Variants in KIAA1958 observed in about 807,000 individuals in gnomAD.
KIAA1958 encodes uncharacterized protein KIAA1958.
A neutral mutation model predicts 47.2 loss-of-function variants in KIAA1958; 14 were observed. That is an observed-to-expected ratio of 0.30 (90% CI 0.20 to 0.46). The LOEUF (loss-of-function observed/expected upper bound fraction) is 0.46, where lower values mean the gene tolerates loss of function less well. Among genes scored for constraint, KIAA1958 ranks in the 20% least tolerant of loss-of-function variants. The pLI, the probability that KIAA1958 is intolerant of heterozygous loss-of-function variation, is 1.00. For missense variants in KIAA1958, 803 were observed against 909.2 expected (o/e 0.88, Z 1.50); for synonymous variants, 354 against 353.3 (o/e 1.00, Z -0.02).
At chr9:112,597,198 G>A (rs769706839) in intron 2 of KIAA1958, among the ~76,000 whole-genome samples, 9 of 152,152 alleles carry the variant, frequency 5.9e-5, no homozygotes, top group Admixed American at 5.9e-4. Context: ...TCTTCAGTCT[G>A]CAGAGTCATA....
intron 1 of KIAA1958, among the ~76,000 whole-genome samples, chr9:112,513,686 C>T (rs1484784958): frequency 1.4e-5 from 1 of 70,006 alleles, no homozygotes; most frequent in Non-Finnish European, 2.8e-5. Flanking sequence ...GCCGCCGCGC[C>T]GGCGAGCGCC....
At chr9:112,534,464 T>C in intron 1 of KIAA1958, among the ~76,000 whole-genome samples, 1 of 152,168 alleles carries the variant, frequency 6.6e-6, no homozygotes, top group East Asian at 1.9e-4. Flanking sequence ...TTTGTGAGCA[T>C]TCGTTGATGT....
intron 1 of KIAA1958, among the ~76,000 whole-genome samples, chr9:112,507,023 G>C (rs1239878081): frequency 5.9e-5 from 9 of 152,174 alleles, no homozygotes; most frequent in Admixed American, 5.9e-4. Flanking sequence ...AGACCTCTGA[G>C]AAAAATTTTT....
intron 2 of KIAA1958, among the ~76,000 whole-genome samples, 192 bp from the exon 3 acceptor site, chr9:112,645,458 C>T (rs978644284): frequency 1.3e-5 from 2 of 152,098 alleles, no homozygotes; most frequent in Admixed American, 1.3e-4. Flanking sequence ...GCATTGATTC[C>T]ATGCTATAAG....
intron 2 of KIAA1958, among the ~76,000 whole-genome samples, chr9:112,628,480 A>G (rs1836656734): frequency 6.6e-6 from 1 of 152,232 alleles, no homozygotes; most frequent in Non-Finnish European, 1.5e-5. Context: ...AAATTTAATT[A>G]TGTGTGGTCT....
At chr9:112,501,839 CAAAA>C (rs1351411807) in intron 1 of KIAA1958, among the ~76,000 whole-genome samples, 8 of 152,018 alleles carry the variant, frequency 5.3e-5, no homozygotes, top group Non-Finnish European at 7.4e-5. Context: ...CTTGAAAAAA[CAAAA>C]AGAAAATACT....
At chr9:112,537,589 G>T (rs1393689283) in intron 1 of KIAA1958, among the ~76,000 whole-genome samples, 2 of 152,186 alleles carry the variant, frequency 1.3e-5, no homozygotes, top group Non-Finnish European at 2.9e-5. Context: ...ACCTCAGTAG[G>T]ATACTATTAC....
chr9:112,629,959 CA>C (rs1836680469), intron 2 of KIAA1958, among the ~76,000 whole-genome samples: 1 of 152,114 alleles, frequency 6.6e-6, no homozygotes, highest in Non-Finnish European at 1.5e-5. Context: ...TTTGTAGCTA[CA>C]ACAAACAAGT....
intron 1 of KIAA1958, among the ~76,000 whole-genome samples, chr9:112,571,774 C>T (rs1835538700): frequency 6.8e-6 from 1 of 146,646 alleles, no homozygotes; most frequent in East Asian, 2.0e-4. Context: ...CTAGGGACAC[C>T]CCTAGGTTAA....
intron 3 of KIAA1958, among the ~76,000 whole-genome samples, chr9:112,647,937 G>A (rs192166790): frequency 2.4e-4 from 36 of 152,270 alleles, no homozygotes; most frequent in Admixed American, 1.5e-3. Flanking sequence ...AAATTTCATC[G>A]TTTATTGAGA....
chr9:112,491,582 A>G (rs1222075056), intron 1 of KIAA1958, among the ~76,000 whole-genome samples: 1 of 145,070 alleles, frequency 6.9e-6, no homozygotes, highest in African/African-American at 2.5e-5. Flanking sequence ...TTTTTTCCTT[A>G]AGAAACCTGC....
intron 1 of KIAA1958, among the ~76,000 whole-genome samples, chr9:112,560,026 T>C (rs1032906846): frequency 6.6e-6 from 1 of 152,026 alleles, no homozygotes; most frequent in African/African-American, 2.4e-5. Flanking sequence ...GGAAAGTTCT[T>C]AAGAATTTTG....
chr9:112,605,669 C>T (rs879001918), intron 2 of KIAA1958, among the ~76,000 whole-genome samples: 3 of 152,144 alleles, frequency 2.0e-5, no homozygotes, highest in African/African-American at 7.2e-5. Context: ...GTCCTCATAC[C>T]ATTCTTGCTC....
chr9:112,610,322 G>T (rs1003073817), intron 2 of KIAA1958, among the ~76,000 whole-genome samples: 5 of 151,802 alleles, frequency 3.3e-5, no homozygotes, highest in Non-Finnish European at 7.4e-5. Flanking sequence ...TAGAAAAAAA[G>T]ATTTAAAGCA....
rs1177422276 is a variant in KIAA1958 at position 112,662,470 on chromosome 9, A to G, written c.*2401A>G. 1 of 152,322 alleles carries G rather than the reference A, an allele frequency of 6.6e-6. No homozygotes were observed. Among genetic ancestry groups the G allele is most frequent in the Non-Finnish European group, 1.5e-5 (1 of 68,084 alleles). 9.4% of individuals were successfully genotyped at this position (152,322 alleles called of 1,614,324 possible). A position where few individuals can be genotyped will look rare whatever the true frequency, so the allele number is the denominator to read the frequency against. On this transcript the variant is annotated 3_prime_UTR_variant, in exon 4 of 4. Transcript: ENST00000337530. Reference sequence around the variant, plus strand: ...CATAAGTGTTTACACACACACACGCACAATATGTGGTTAAGCCTGGTAAGC... The same window carrying G: ...CATAAGTGTTTACACACACACACGCGCAATATGTGGTTAAGCCTGGTAAGC...
In KIAA1958 at chr9:112,620,716, T is replaced by A. The variant is rs1009777452; in HGVS notation, c.1172-24934T>A. On this transcript the variant is annotated intron_variant, in intron 2 of 3. Coordinates refer to ENST00000337530, the MANE Select transcript of KIAA1958 (RefSeq NM_133465.4). ...TGATAGTGATGAGAGCTGCCATTTT[T>A]GAGCCAGCATGCATGCCAGCACTGT... Among the ~76,000 whole-genome samples the A allele has an allele frequency of 5.3e-5, 8 of 152,264 alleles. No individual in the cohort carries two copies. The East Asian group carries it at 1.5e-3, about 29-fold the overall frequency.
intron 1 of KIAA1958, among the ~76,000 whole-genome samples, chr9:112,573,107 T>C (rs991542828): frequency 3.3e-5 from 5 of 152,154 alleles, no homozygotes; most frequent in African/African-American, 9.7e-5. Flanking sequence ...AGACTCCACA[T>C]GTCCCCTTTC....
chr9:112,491,087 C>T (rs550241054), intron 1 of KIAA1958, among the ~76,000 whole-genome samples: 27 of 152,324 alleles, frequency 1.8e-4, no homozygotes, highest in African/African-American at 5.8e-4. Flanking sequence ...ATCTCAACCT[C>T]CCAAGTAGCT....
At position 112,557,418 on chromosome 9, in the gene KIAA1958, C is replaced by G. The variant is rs187941390; in HGVS notation, c.-24-16639C>G. ...GCCCTGGCACACATCTGTCCAGCCCCTAAGCAGTGTATTTGTGTAATGATC... is the reference window on the plus strand; with the variant it reads ...GCCCTGGCACACATCTGTCCAGCCCGTAAGCAGTGTATTTGTGTAATGATC... On this transcript the variant is annotated intron_variant, in intron 1 of 3. Coordinates refer to ENST00000337530, the MANE Select transcript of KIAA1958 (RefSeq NM_133465.4). Among the ~76,000 whole-genome samples the G allele has an allele frequency of 6.1e-3, 936 of 152,288 alleles. 10 individuals are homozygous for G. Among genetic ancestry groups the G allele is most frequent in the Non-Finnish European group, 9.0e-3 (612 of 68,014 alleles).
Sources: gnomAD v4.1 joint callset for allele counts (sites outside exome capture counted in the v4.1 genomes callset) on GRCh38, gnomAD v4.1.1 for gene constraint, MANE v1.5 for transcripts, NCBI Gene and HGNC (gene_info 2026-07-23, HGNC 2026-07-21) for gene names.